The following SPAG17 variants were observed in gnomAD, a reference collection of about 807,000 sequenced individuals.
SPAG17 encodes sperm associated antigen 17, also known as sperm-associated antigen 17.
SPAG17 carries 169 observed loss-of-function variants against 273.6 expected under a neutral mutation model. The observed-to-expected ratio is 0.62, with a 90% confidence interval of 0.55 to 0.70. The LOEUF is 0.70. SPAG17 is among the 30% of genes least tolerant of loss of function. The pLI is 0.00. For missense variants in SPAG17, 2,557 were observed against 2,627.8 expected, an observed-to-expected ratio of 0.97 and a Z score of 0.59; for synonymous variants, 825 against 873.2, an observed-to-expected ratio of 0.94 and a Z score of 0.97.
At position 118,036,601 on chromosome 1, in the gene SPAG17, G is replaced by GAT. The variant is rs1649115522; in HGVS notation, c.3433+168_3433+169insAT. 4 of 497,144 alleles carry GAT rather than the reference G, an allele frequency of 8.0e-6. No homozygotes were observed. The East Asian group carries it at 1.4e-4, about 17-fold the overall frequency. 30.8% of individuals were successfully genotyped at this position (497,144 alleles called of 1,614,324 possible). A position where few individuals can be genotyped will look rare whatever the true frequency, so the allele number is the denominator to read the frequency against. On this transcript the variant is annotated intron_variant, in intron 24 of 48. Coordinates refer to ENST00000336338, the MANE Select transcript of SPAG17 (RefSeq NM_206996.4). Reference sequence around the variant, plus strand: ...TATATACTGTATACACACATATATAGACACACACACACACACACACACACC... The same window carrying GAT: ...TATATACTGTATACACACATATATAGATACACACACACACACACACACACACC...
At chr1:117,979,323 C>T (rs74114957) in intron 43 of SPAG17, among the ~76,000 whole-genome samples, 4,653 of 152,270 alleles carry the variant, frequency 0.031, 223 homozygotes, top group African/African-American at 0.1. Context: ...TTCTCAGCCT[C>T]ACAATCAGTT....
At chr1:118,178,440 A>G (rs1185714540) in intron 1 of SPAG17, among the ~76,000 whole-genome samples, 1 of 152,068 alleles carries the variant, frequency 6.6e-6, no homozygotes, top group African/African-American at 2.4e-5. Context: ...GAAGAAACAT[A>G]CCTCAAATGA....
chr1:117,983,482 C>G (rs968776545), intron 42 of SPAG17, among the ~76,000 whole-genome samples: 2 of 152,164 alleles, frequency 1.3e-5, no homozygotes, highest in African/African-American at 4.8e-5. Flanking sequence ...TGTAAAGATA[C>G]ATTTTCCTCC....
At chr1:118,001,779 C>A (rs1658313821) in intron 32 of SPAG17, among the ~76,000 whole-genome samples, 1 of 151,932 alleles carries the variant, frequency 6.6e-6, no homozygotes, top group African/African-American at 2.4e-5. Flanking sequence ...CAGCTCCTGG[C>A]AATTCATTGA....
intron 48 of SPAG17, chr1:117,955,359 G>A: frequency 1.9e-6 from 3 of 1,612,164 alleles, no homozygotes; most frequent in Non-Finnish European, 2.5e-6. Context: ...TCAAGTCGAG[G>A]TGAGTGAGTC....
chr1:118,028,469 G>C, intron 25 of SPAG17, 75 bp from the exon 26 acceptor site: 1 of 1,562,000 alleles, frequency 6.4e-7, no homozygotes, highest in Non-Finnish European at 8.7e-7. Flanking sequence ...ACTAAGCCAG[G>C]ATATGCTGAG....
Position 118,134,529 on chromosome 1 carries a change from T to G in SPAG17, c.315+16014A>C, listed in dbSNP as rs551947367. Among the ~76,000 whole-genome samples, 14 of 152,314 alleles carry G rather than the reference T, an allele frequency of 9.2e-5. 1 individual carries two copies. In the South Asian group the frequency reaches 2.7e-3, roughly 29 times the overall value. ...TGTACAATTTAAATGCATCCAGCAA[T>G]GAACTGCTTTTAACAGTGCCACCCC... On this transcript the variant is annotated intron_variant, in intron 3 of 48. Coordinates refer to ENST00000336338, the MANE Select transcript of SPAG17 (RefSeq NM_206996.4).
intron 32 of SPAG17, among the ~76,000 whole-genome samples, chr1:118,000,701 T>C (rs375831112): frequency 3.9e-5 from 6 of 152,330 alleles, no homozygotes; most frequent in Admixed American, 6.5e-5. Context: ...AAGTTGCTTA[T>C]CAGCTTAAGG....
At chr1:118,150,663 AAGC>A in intron 2 of SPAG17, 34 bp from the exon 3 acceptor site, 1 of 1,255,226 alleles carries the variant, frequency 8.0e-7, no homozygotes, top group Non-Finnish European at 1.1e-6. Context: ...ATGATGAAAA[AAGC>A]CTTATTTGAA....
intron 7 of SPAG17, among the ~76,000 whole-genome samples, chr1:118,094,294 T>C (rs1376671847): frequency 6.6e-6 from 1 of 152,222 alleles, no homozygotes; most frequent in Non-Finnish European, 1.5e-5. Flanking sequence ...AATGATCCCT[T>C]AGCTTAACCT....
At chr1:118,025,550 C>T in intron 26 of SPAG17, 134 bp from the exon 27 acceptor site, 3 of 729,254 alleles carry the variant, frequency 4.1e-6, no homozygotes, top group Non-Finnish European at 6.2e-6. Context: ...CTTTGTCATC[C>T]AGGCTGGAGT....
At chr1:118,023,274 C>A in intron 28 of SPAG17, 30 bp downstream of exon 28, 3 of 1,573,386 alleles carry the variant, frequency 1.9e-6, no homozygotes, top group Non-Finnish European at 2.6e-6. Flanking sequence ...TTACTAAATC[C>A]ATAATAAACT....
chr1:118,097,320 A>G (rs1196829663), intron 7 of SPAG17, among the ~76,000 whole-genome samples: 1 of 152,206 alleles, frequency 6.6e-6, no homozygotes, highest in Non-Finnish European at 1.5e-5. Context: ...TTAACAAACT[A>G]TGAAATTTAC....
At chr1:117,982,109 A>G (rs1461400724) in intron 42 of SPAG17, among the ~76,000 whole-genome samples, 2 of 152,138 alleles carry the variant, frequency 1.3e-5, no homozygotes, top group African/African-American at 4.8e-5. Flanking sequence ...TCACATTTAT[A>G]AGTCATTGTT....
intron 7 of SPAG17, among the ~76,000 whole-genome samples, chr1:118,095,948 C>T (rs999396118): frequency 1.3e-5 from 2 of 152,076 alleles, no homozygotes; most frequent in Non-Finnish European, 2.9e-5. Context: ...GGGGCAAGGA[C>T]AAAGGGAGTT....
At chr1:118,118,196 CA>C (rs1264978584) in intron 3 of SPAG17, among the ~76,000 whole-genome samples, 2 of 152,144 alleles carry the variant, frequency 1.3e-5, no homozygotes, top group Non-Finnish European at 2.9e-5. Flanking sequence ...ATAACATCTC[CA>C]AAGGTTTCTC....
intron 25 of SPAG17, among the ~76,000 whole-genome samples, chr1:118,031,286 G>T (rs184372446): frequency 7.0e-6 from 1 of 143,698 alleles, no homozygotes; most frequent in Non-Finnish European, 1.5e-5. Context: ...TTTACCAAAT[G>T]AAACTGTTTC....
chr1:117,988,975 T>TA (rs562328165), intron 38 of SPAG17, among the ~76,000 whole-genome samples: 2 of 152,194 alleles, frequency 1.3e-5, no homozygotes, highest in South Asian at 2.1e-4. Flanking sequence ...ACTGTTTGTT[T>TA]AAAAAAATAC....
intron 42 of SPAG17, among the ~76,000 whole-genome samples, chr1:117,981,972 C>T (rs1655867011): frequency 6.6e-6 from 1 of 152,168 alleles, no homozygotes. Flanking sequence ...GCTGAAAAGA[C>T]TTCCGCAGTC....
Sources: gnomAD v4.1 joint callset for allele counts (sites outside exome capture counted in the v4.1 genomes callset) on GRCh38, gnomAD v4.1.1 for gene constraint, MANE v1.5 for transcripts, NCBI Gene and HGNC (gene_info 2026-07-23, HGNC 2026-07-21) for gene names.